The following XIRP2 variants were observed in gnomAD, a reference collection of about 807,000 sequenced individuals.
XIRP2 encodes xin actin-binding repeat-containing protein 2.
A neutral mutation model predicts 277.0 loss-of-function variants in XIRP2; 236 were observed. That is an observed-to-expected ratio of 0.85 (90% CI 0.77 to 0.95). The LOEUF (loss-of-function observed/expected upper bound fraction) is 0.95. Among genes scored for constraint, XIRP2 ranks in the 40% least tolerant of loss-of-function variants. The pLI is 0.00. For missense variants in XIRP2, 4,640 were observed against 4,157.5 expected, an observed-to-expected ratio of 1.12 and a Z score of -3.19; for synonymous variants, 1,490 against 1,416.5, an observed-to-expected ratio of 1.05 and a Z score of -1.17.
rs183310995 is a variant in XIRP2 at position 167,032,268 on chromosome 2, T to C, written c.409-103641T>C. Among the ~76,000 whole-genome samples, 366 of 152,220 alleles carry C rather than the reference T, an allele frequency of 2.4e-3. 5 individuals carry two copies. The highest frequency in any genetic ancestry group is 8.1e-3 in the African/African-American group (338 of 41,542). On this transcript the variant is annotated intron_variant, in intron 2 of 10. Coordinates refer to ENST00000409195, the MANE Select transcript of XIRP2 (RefSeq NM_152381.6). ...CTAGCCATATGCAGAAAACAGAAAC[T>C]GGACCCCTTCCTTACACCTTACACA...
chr2:167,211,934 C>T (rs941746059), intron 4 of XIRP2, among the ~76,000 whole-genome samples: 4 of 151,926 alleles, frequency 2.6e-5, no homozygotes, highest in African/African-American at 9.7e-5. Flanking sequence ...TTATAATCTC[C>T]AAATTAGCCT....
rs1163989523 is a variant in XIRP2, at chr2:167,248,934, G to C, written c.7542G>C (p.Gln2514His). The change falls in exon 9 of 11, where the codon CAG (glutamine) becomes CAC (histidine). Residue 2514 changes from glutamine to histidine, a missense_variant. Physicochemically the swap from Gln to His is conservative, Grantham distance 24. Transcript: ENST00000409195. ...GAACTTCAGCACCCAGGAAAAAACAGATTGCGCCTCTTATAAAATCTCATT... is the reference window on the plus strand; with the variant it reads ...GAACTTCAGCACCCAGGAAAAAACACATTGCGCCTCTTATAAAATCTCATT... ...VPGTSAPRKK[Q>H]IAPLIKSHSF... 6.2e-7 allele frequency: 1 copy of C among 1,613,756 alleles called. No individual in the cohort carries two copies. The highest frequency in any genetic ancestry group is 1.7e-5 in the Admixed American group (1 of 59,980).
chr2:167,054,895 T>G (rs1689004102), intron 2 of XIRP2, among the ~76,000 whole-genome samples: 1 of 152,208 alleles, frequency 6.6e-6, no homozygotes, highest in Non-Finnish European at 1.5e-5. Context: ...AATAGATTAT[T>G]ATGAACCATG....
At chr2:167,164,334 T>C (rs553848396) in intron 3 of XIRP2, among the ~76,000 whole-genome samples, 6 of 150,274 alleles carry the variant, frequency 4.0e-5, no homozygotes, top group Non-Finnish European at 7.4e-5. Context: ...TAGTCCCAGC[T>C]ACTCGGGAGG....
At chr2:167,085,843 T>C (rs1219659613) in intron 2 of XIRP2, among the ~76,000 whole-genome samples, 5 of 152,256 alleles carry the variant, frequency 3.3e-5, no homozygotes, top group Admixed American at 6.5e-5. Flanking sequence ...TGTCTCTGCA[T>C]GTGAGATGGG....
intron 2 of XIRP2, among the ~76,000 whole-genome samples, chr2:167,090,826 C>T (rs1041419499): frequency 1.3e-5 from 2 of 152,108 alleles, no homozygotes; most frequent in African/African-American, 4.8e-5. Flanking sequence ...CACTCATTGA[C>T]TCAAGCACCA....
chr2:167,115,897 T>A (rs1249146966), intron 2 of XIRP2, among the ~76,000 whole-genome samples: 1 of 152,220 alleles, frequency 6.6e-6, no homozygotes, highest in East Asian at 1.9e-4. Flanking sequence ...ATCCATGGAT[T>A]GTTTAGAAGT....
intron 2 of XIRP2, among the ~76,000 whole-genome samples, chr2:166,966,497 C>A (rs1486231690): frequency 2.6e-5 from 4 of 151,788 alleles, no homozygotes; most frequent in Admixed American, 6.6e-5. Flanking sequence ...TTTATATAGA[C>A]AGCAAAAGTT....
At chr2:166,898,221 C>A (rs1684293620) in intron 1 of XIRP2, among the ~76,000 whole-genome samples, 1 of 152,110 alleles carries the variant, frequency 6.6e-6, no homozygotes, top group Admixed American at 6.6e-5. Flanking sequence ...AAACATTGTG[C>A]TCACATTAAA....
intron 2 of XIRP2, among the ~76,000 whole-genome samples, chr2:167,021,255 A>G (rs1424338401): frequency 6.6e-6 from 1 of 152,074 alleles, no homozygotes; most frequent in Admixed American, 6.6e-5. Context: ...CACTGCAAAG[A>G]TAGTTGAAAG....
Position 167,178,445 on chromosome 2 carries a change from G to C in XIRP2, c.563-32290G>C, listed in dbSNP as rs146995101. ...ATAATTTATTTCTAGTTACTTAGTT[G>C]GGTTTCCAAAGGCTGTTTGACAAAT... On this transcript the variant is annotated intron_variant, in intron 3 of 10. Coordinates refer to ENST00000409195, the MANE Select transcript of XIRP2 (RefSeq NM_152381.6). Among the ~76,000 whole-genome samples the C allele has an allele frequency of 4.2e-4, 64 of 152,220 alleles. 1 individual carries two copies. In the East Asian group the frequency reaches 0.012, roughly 28 times the overall value.
intron 5 of XIRP2, among the ~76,000 whole-genome samples, chr2:167,230,157 A>G (rs1042337580): frequency 2.0e-5 from 3 of 151,840 alleles, no homozygotes; most frequent in African/African-American, 4.9e-5. Flanking sequence ...GTAGCATTTG[A>G]AATTTATTCT....
chr2:167,173,689 G>T (rs59504679), intron 3 of XIRP2, among the ~76,000 whole-genome samples: 37,441 of 151,930 alleles, frequency 0.25, 5,849 homozygotes, highest in African/African-American at 0.45. Context: ...CTATTTTTAG[G>T]TTTTTGAGGA....
At chr2:167,065,453 T>C (rs1295139488) in intron 2 of XIRP2, among the ~76,000 whole-genome samples, 1 of 151,872 alleles carries the variant, frequency 6.6e-6, no homozygotes, top group Admixed American at 6.6e-5. Flanking sequence ...TTTCTCCCAT[T>C]CTAGGTGATG....
chr2:166,941,665 C>A (rs1464210494), intron 2 of XIRP2, among the ~76,000 whole-genome samples: 3 of 152,108 alleles, frequency 2.0e-5, no homozygotes, highest in Non-Finnish European at 2.9e-5. Flanking sequence ...TTAATGATTT[C>A]TCTATATTAT....
intron 2 of XIRP2, among the ~76,000 whole-genome samples, chr2:166,972,219 G>A (rs935710064): frequency 1.3e-5 from 2 of 152,124 alleles, no homozygotes; most frequent in African/African-American, 4.8e-5. Flanking sequence ...CACAGACACT[G>A]AACCTTCCTG....
intron 2 of XIRP2, among the ~76,000 whole-genome samples, chr2:166,979,513 G>A (rs563934032): frequency 6.3e-4 from 94 of 150,336 alleles, no homozygotes; most frequent in Non-Finnish European, 6.7e-4. Flanking sequence ...CTAAGAGTAG[G>A]GTTTTTTTTT....
At chr2:167,020,016 T>G (rs1312803882) in intron 2 of XIRP2, among the ~76,000 whole-genome samples, 2 of 152,076 alleles carry the variant, frequency 1.3e-5, no homozygotes, top group Admixed American at 6.6e-5. Flanking sequence ...TTTTAGGAGA[T>G]GGATGTTAAT....
chr2:167,145,858 C>G (rs1472537646), intron 3 of XIRP2, among the ~76,000 whole-genome samples: 1 of 152,080 alleles, frequency 6.6e-6, no homozygotes, highest in Non-Finnish European at 1.5e-5. Context: ...CTGTGAAGGA[C>G]CACAATCAGT....
Sources: gnomAD v4.1 joint callset for allele counts (sites outside exome capture counted in the v4.1 genomes callset) on GRCh38, gnomAD v4.1.1 for gene constraint, MANE v1.5 for transcripts, NCBI Gene and HGNC (gene_info 2026-07-23, HGNC 2026-07-21) for gene names.